Variants in RCOR3 observed in about 807,000 individuals in gnomAD.
RCOR3 encodes REST corepressor 3.
Under a neutral mutation model 64.1 loss-of-function variants are expected in RCOR3, and 13 were observed. The observed-to-expected ratio is 0.20, with a 90% confidence interval of 0.13 to 0.32. The LOEUF is 0.32. Ranked by LOEUF, RCOR3 falls within the 10% of genes least tolerant of loss-of-function variation. The probability of loss-of-function intolerance (pLI) is 1.00; values close to 1 mark genes in which losing one functional copy is unlikely to be tolerated. For missense variants in RCOR3, 489 were observed against 701.2 expected (o/e 0.70, Z 3.42); for synonymous variants, 215 against 239.0 (o/e 0.90, Z 0.93).
At chr1:211,263,984 AT>A (rs1399179262) in intron 2 of RCOR3, among the ~76,000 whole-genome samples, 1 of 151,974 alleles carries the variant, frequency 6.6e-6, no homozygotes, top group African/African-American at 2.4e-5. Flanking sequence ...TACCCGGCTA[AT>A]TTTGTTTTTT....
intron 3 of RCOR3, among the ~76,000 whole-genome samples, chr1:211,272,511 T>C (rs1409594289): frequency 6.6e-6 from 1 of 151,802 alleles, no homozygotes; most frequent in African/African-American, 2.4e-5. Flanking sequence ...TGGGTGTGCA[T>C]TGGAATCACT....
chr1:211,291,880 A>C (rs1699281866), intron 8 of RCOR3, among the ~76,000 whole-genome samples: 2 of 152,170 alleles, frequency 1.3e-5, no homozygotes, highest in Admixed American at 6.5e-5. Context: ...ACACTTTGGG[A>C]GGCCAAGACA....
rs189817242 is a variant in RCOR3, at chr1:211,300,398, C to G, written c.1018-3685C>G. ...TCTGCATTTTTCCACGGAGCTGCCT[C>G]TTATAAAGGTTAGCATTGGCACTGA... On this transcript the variant is annotated intron_variant, in intron 9 of 11. Transcript: ENST00000419091. 1.5e-3 allele frequency among the ~76,000 whole-genome samples: 228 copies of G among 152,208 alleles called. 1 individual carries two copies. The highest frequency in any genetic ancestry group is 2.9e-3 in the South Asian group (14 of 4,824).
chr1:211,259,837 C>G, intron 1 of RCOR3, 111 bp downstream of exon 1: 5 of 998,274 alleles, frequency 5.0e-6, no homozygotes, highest in Non-Finnish European at 6.8e-6. Context: ...AGAGCCTGGG[C>G]GCTGCGGTAG....
chr1:211,259,557 T>C lies in RCOR3; in HGVS notation c.-4T>C, dbSNP rs1233070588. ...CCTCACCTTTCCCCCTCCCCTGTTC[T>C]ACCATGCCCGGCATGATGGAGAAAG... On this transcript the variant is annotated 5_prime_UTR_variant, in exon 1 of 12. Transcript: ENST00000419091. The C allele has an allele frequency of 6.5e-7, 1 of 1,545,624 alleles. No individual in the cohort carries two copies. Among genetic ancestry groups the C allele is most frequent in the South Asian group, 1.2e-5 (1 of 83,908 alleles).
intron 7 of RCOR3, among the ~76,000 whole-genome samples, chr1:211,281,444 C>T (rs546551814): frequency 3.9e-5 from 6 of 152,236 alleles, no homozygotes; most frequent in South Asian, 2.1e-4. Flanking sequence ...CGATTATCTC[C>T]GTGCCTCCCT....
At chr1:211,307,043 A>G (rs192145079) in intron 10 of RCOR3, among the ~76,000 whole-genome samples, 20 of 152,328 alleles carry the variant, frequency 1.3e-4, no homozygotes, top group African/African-American at 4.8e-4. Context: ...TATTATGACC[A>G]ATAATGATCT....
At chr1:211,266,030 T>C (rs992988504) in intron 2 of RCOR3, among the ~76,000 whole-genome samples, 6 of 152,120 alleles carry the variant, frequency 3.9e-5, no homozygotes, top group Admixed American at 3.9e-4. Context: ...TAACCTCTTA[T>C]CATTTGACCG....
rs1292108705 is a variant in RCOR3, at chr1:211,313,039, G to C, written c.1317+78G>C. ...GTGTGGTATTCTGTAAGGTTAATTTGTCAAGAGGACTAGCTAAATTGAGCA... is the reference window on the plus strand; with the variant it reads ...GTGTGGTATTCTGTAAGGTTAATTTCTCAAGAGGACTAGCTAAATTGAGCA... On this transcript the variant is annotated intron_variant, in intron 11 of 11. Coordinates refer to ENST00000419091, the MANE Select transcript of RCOR3 (RefSeq NM_001136223.3). The surrounding 1 kb of genome is among the most constrained non-coding windows in gnomAD (Gnocchi z 4.7). 6.2e-7 allele frequency: 1 copy of C among 1,601,284 alleles called. No individual in the cohort carries two copies. The highest frequency in any genetic ancestry group is 1.3e-5 in the African/African-American group (1 of 74,444).
At position 211,262,056 on chromosome 1, in the gene RCOR3, G is replaced by A. The variant is rs867246524; in HGVS notation, c.223+1892G>A. 1.8e-3 allele frequency among the ~76,000 whole-genome samples: 4 copies of A among 2,186 alleles called. 1 individual carries two copies. In the East Asian group the frequency reaches 0.061, roughly 33 times the overall value. The allele number at this position is 2,186 out of a possible 152,430, so 1.4% of individuals were successfully genotyped here. ...AACTTTTTTTTTTTTTTTTTTTTTT[G>A]AGGTGAAGTCTTACTCTGTCGCCCA... On this transcript the variant is annotated intron_variant, in intron 2 of 11. Coordinates refer to ENST00000419091, the MANE Select transcript of RCOR3 (RefSeq NM_001136223.3).
chr1:211,295,219 T>C (rs1296801860), intron 8 of RCOR3, among the ~76,000 whole-genome samples: 2 of 152,070 alleles, frequency 1.3e-5, no homozygotes, highest in Non-Finnish European at 2.9e-5. Flanking sequence ...TGTACTTACC[T>C]CACAGAGTGG....
At chr1:211,259,915 T>TCC (rs1279936954) in intron 1 of RCOR3, 189 bp downstream of exon 1, 1 of 567,940 alleles carries the variant, frequency 1.8e-6, no homozygotes, top group Non-Finnish European at 2.5e-6. Flanking sequence ...CGACCAATCC[T>TCC]CCGCCTTTGC....
At chr1:211,306,031 G>A (rs1262621142) in intron 10 of RCOR3, among the ~76,000 whole-genome samples, 1 of 151,928 alleles carries the variant, frequency 6.6e-6, no homozygotes, top group Non-Finnish European at 1.5e-5. Context: ...ATGTGTTAAT[G>A]GTGTTAATGT....
chr1:211,299,631 A>G (rs889165847), intron 9 of RCOR3, among the ~76,000 whole-genome samples: 35 of 149,464 alleles, frequency 2.3e-4, no homozygotes, highest in African/African-American at 8.5e-4. Context: ...TGTGAAAACA[A>G]TTTAGCGGGG....
At chr1:211,293,086 A>AAAATAAAT (rs10524651) in intron 8 of RCOR3, among the ~76,000 whole-genome samples, 38,850 of 142,724 alleles carry the variant, frequency 0.27, 5,525 homozygotes, top group African/African-American at 0.28. Flanking sequence ...TCTGTCTCCA[A>AAAATAAAT]AAATAAATAA....
intron 7 of RCOR3, among the ~76,000 whole-genome samples, chr1:211,284,502 CTTTA>C (rs71767571): frequency 5.2e-5 from 7 of 135,094 alleles, no homozygotes; most frequent in African/African-American, 1.7e-4. Flanking sequence ...GGTAGAGATC[CTTTA>C]TTTATTTATT....
At chr1:211,310,181 A>G (rs1015985630) in intron 10 of RCOR3, among the ~76,000 whole-genome samples, 1 of 152,120 alleles carries the variant, frequency 6.6e-6, no homozygotes. Context: ...CCTTTTTCAC[A>G]TCATGGTACA....
chr1:211,292,639 A>G (rs1699379074), intron 8 of RCOR3, among the ~76,000 whole-genome samples: 1 of 152,212 alleles, frequency 6.6e-6, no homozygotes, highest in South Asian at 2.1e-4. Context: ...TCTCATATGC[A>G]GTGTTCAAAC....
At chr1:211,307,507 A>AAAAGAATTTT (rs1558109621) in intron 10 of RCOR3, among the ~76,000 whole-genome samples, 2 of 151,894 alleles carry the variant, frequency 1.3e-5, no homozygotes, top group South Asian at 4.2e-4. Context: ...AAAAGAATTT[A>AAAAGAATTTT]AAAAGGAATT....
Sources: gnomAD v4.1 joint callset for allele counts (sites outside exome capture counted in the v4.1 genomes callset) on GRCh38, gnomAD v4.1.1 for gene constraint, Gnocchi (gnomAD v3.1) non-coding constraint, MANE v1.5 for transcripts, NCBI Gene and HGNC (gene_info 2026-07-23, HGNC 2026-07-21) for gene names.